The following STX8 variants were observed in gnomAD, a reference collection of about 807,000 sequenced individuals.
STX8 encodes syntaxin 8.
In STX8, 23 loss-of-function variants were observed where a neutral mutation model predicts 37.5. The observed-to-expected ratio is 0.61, with a 90% CI of 0.44 to 0.87. STX8 has a LOEUF of 0.87. Among genes scored for constraint, STX8 ranks in the 40% least tolerant of loss-of-function variants. STX8 has a pLI of 0.00. For synonymous variants in STX8, 115 were observed against 99.1 expected, an observed-to-expected ratio of 1.16 and a Z score of -0.95; for missense variants, 313 against 284.7, an observed-to-expected ratio of 1.10 and a Z score of -0.71.
At chr17:9,559,760 A>ATTTTTTTTTTTTTTT in intron 2 of STX8, among the ~76,000 whole-genome samples, 2 of 24,492 alleles carry the variant, frequency 8.2e-5, no homozygotes, top group African/African-American at 3.8e-4. Flanking sequence ...ATATATATAT[A>ATTTTTTTTTTTTTTT]TTTTTTTTTT....
chr17:9,565,387 G>A (rs918337816), intron 2 of STX8, among the ~76,000 whole-genome samples: 1 of 151,812 alleles, frequency 6.6e-6, no homozygotes, highest in African/African-American at 2.4e-5. Context: ...AGGCCGAGGC[G>A]GGCAGATCAC....
chr17:9,568,325 CA>C, intron 2 of STX8, 45 bp downstream of exon 2: 1 of 1,506,154 alleles, frequency 6.6e-7, no homozygotes, highest in Non-Finnish European at 9.2e-7. Flanking sequence ...TTTCAGGCCT[CA>C]AAACTCAAAC....
intron 7 of STX8, among the ~76,000 whole-genome samples, chr17:9,373,271 A>G (rs1354510868): frequency 1.3e-5 from 2 of 152,192 alleles, no homozygotes; most frequent in Non-Finnish European, 2.9e-5. Context: ...CCACTTCTGT[A>G]TATATACACA....
rs549896624 is a variant in STX8 at position 9,533,738 on chromosome 17, G to A, written c.323+11434C>T. ...GAACCTTGAGTCTCTGGTTCTTCAA[G>A]AAACTTCAAGAACAGCGTTGCTATT... On this transcript the variant is annotated intron_variant, in intron 4 of 7. Transcript: ENST00000306357. Among the ~76,000 whole-genome samples the A allele has an allele frequency of 2.0e-3, 298 of 152,308 alleles. 2 individuals carry two copies. Among genetic ancestry groups the A allele is most frequent in the African/African-American group, 6.7e-3 (280 of 41,572 alleles).
intron 7 of STX8, among the ~76,000 whole-genome samples, chr17:9,349,056 A>G (rs1313747024): frequency 6.6e-6 from 1 of 152,130 alleles, no homozygotes; most frequent in Non-Finnish European, 1.5e-5. Flanking sequence ...TAATGGCACA[A>G]TCTCGGCTCA....
chr17:9,571,943 G>C (rs1024229812), intron 1 of STX8, among the ~76,000 whole-genome samples: 1 of 151,838 alleles, frequency 6.6e-6, no homozygotes, highest in African/African-American at 2.4e-5. Context: ...GGTGTGGAGG[G>C]TAGAGATGAA....
chr17:9,386,572 C>A (rs911270343), intron 6 of STX8, among the ~76,000 whole-genome samples: 2 of 151,972 alleles, frequency 1.3e-5, no homozygotes, highest in African/African-American at 4.8e-5. Context: ...AGGGAGCTGG[C>A]AGGCGGGCAG....
intron 7 of STX8, among the ~76,000 whole-genome samples, chr17:9,370,182 T>C (rs1339454234): frequency 1.3e-5 from 2 of 152,084 alleles, no homozygotes. Context: ...ACCATTGCAC[T>C]CCAGCCTGGG....
chr17:9,492,050 C>T, intron 5 of STX8, 129 bp from the exon 6 acceptor site: 1 of 581,830 alleles, frequency 1.7e-6, no homozygotes, highest in East Asian at 3.0e-5. Context: ...AAAGAGTTAA[C>T]ATTATTGGAA....
intron 6 of STX8, among the ~76,000 whole-genome samples, chr17:9,480,625 A>G (rs746329977): frequency 3.3e-5 from 5 of 152,310 alleles, no homozygotes; most frequent in African/African-American, 1.2e-4. Context: ...GGATGACCTC[A>G]TAAACTCATT....
intron 5 of STX8, among the ~76,000 whole-genome samples, chr17:9,497,509 G>T (rs1904450144): frequency 6.6e-6 from 1 of 152,178 alleles, no homozygotes; most frequent in African/African-American, 2.4e-5. Flanking sequence ...TAGGTTACGG[G>T]ATGGCATATA....
intron 6 of STX8, among the ~76,000 whole-genome samples, chr17:9,400,904 T>C (rs1169699856): frequency 1.3e-5 from 2 of 152,198 alleles, no homozygotes; most frequent in African/African-American, 2.4e-5. Context: ...CTCACAATTA[T>C]AGAAAATGCT....
chr17:9,411,449 A>C (rs924927708), intron 6 of STX8, among the ~76,000 whole-genome samples: 1 of 152,176 alleles, frequency 6.6e-6, no homozygotes, highest in Non-Finnish European at 1.5e-5. Context: ...TATAAAACGA[A>C]TGTTCTCAAC....
intron 7 of STX8, among the ~76,000 whole-genome samples, chr17:9,285,884 A>C (rs910389850): frequency 6.6e-6 from 1 of 152,232 alleles, no homozygotes; most frequent in African/African-American, 2.4e-5. Context: ...CAATACCTTC[A>C]CATTTTCCCT....
At chr17:9,268,126 C>A (rs1454130444) in intron 7 of STX8, among the ~76,000 whole-genome samples, 1 of 152,064 alleles carries the variant, frequency 6.6e-6, no homozygotes, top group African/African-American at 2.4e-5. Context: ...GCCTTGGAAC[C>A]CTAATTTAAG....
rs1907832176 is a variant in STX8 at position 9,574,780 on chromosome 17, T to C, written c.17+1012A>G. Among the ~76,000 whole-genome samples, 3 of 152,192 alleles carry C rather than the reference T, an allele frequency of 2.0e-5. No individual in the cohort carries two copies. The South Asian group carries it at 6.2e-4, about 32-fold the overall frequency. The stretch of plus-strand genomic sequence containing the variant: ...ACCTCCCGACCTCAGGTGATCTGCC[T>C]GCCTCGGCCTCCCAAAGTACTGGGA... On this transcript the variant is annotated intron_variant, in intron 1 of 7. Transcript: ENST00000306357.
At chr17:9,434,685 A>G (rs901959814) in intron 6 of STX8, among the ~76,000 whole-genome samples, 7 of 152,232 alleles carry the variant, frequency 4.6e-5, no homozygotes, top group Non-Finnish European at 1.0e-4. Flanking sequence ...AGGGTGAGCC[A>G]GAGGTGAGCG....
chr17:9,336,277 T>A (rs1262136307), intron 7 of STX8, among the ~76,000 whole-genome samples: 3 of 152,198 alleles, frequency 2.0e-5, no homozygotes, highest in Non-Finnish European at 4.4e-5. Context: ...TCAAGATCCA[T>A]CTGCCAAGAA....
intron 1 of STX8, among the ~76,000 whole-genome samples, chr17:9,573,691 C>T (rs1405024091): frequency 6.6e-6 from 1 of 152,096 alleles, no homozygotes; most frequent in East Asian, 1.9e-4. Context: ...GTATCAAGGG[C>T]CTTAAAAATG....
Sources: gnomAD v4.1 joint callset for allele counts (sites outside exome capture counted in the v4.1 genomes callset) on GRCh38, gnomAD v4.1.1 for gene constraint, MANE v1.5 for transcripts, NCBI Gene and HGNC (gene_info 2026-07-23, HGNC 2026-07-21) for gene names.